Variants in ATG2B observed in about 807,000 individuals in gnomAD.
The protein encoded by ATG2B is autophagy-related protein 2 homolog B.
ATG2B carries 121 observed loss-of-function variants against 241.3 expected under a neutral mutation model. The ratio of observed to expected loss-of-function variants is 0.50; its 90% CI spans 0.43 to 0.58. ATG2B has a LOEUF of 0.58. Among genes scored for constraint, ATG2B ranks in the 20% least tolerant of loss-of-function variants. ATG2B has a pLI of 0.00. For synonymous variants in ATG2B, 858 were observed against 876.6 expected, an observed-to-expected ratio of 0.98 and a Z score of 0.37; for missense variants, 2,306 against 2,491.6, an observed-to-expected ratio of 0.93 and a Z score of 1.59.
chr14:96,327,078 T>C (rs542340175), intron 14 of ATG2B, among the ~76,000 whole-genome samples: 6 of 151,928 alleles, frequency 3.9e-5, no homozygotes, highest in African/African-American at 1.4e-4. Context: ...GGAGACAAAA[T>C]ATAAAAACTT....
chr14:96,354,602 T>C (rs1157023121), intron 1 of ATG2B, among the ~76,000 whole-genome samples: 1 of 152,246 alleles, frequency 6.6e-6, no homozygotes, highest in African/African-American at 2.4e-5. Flanking sequence ...TATATCTTTA[T>C]AATAGAACAA....
At chr14:96,298,255 A>T (rs1157618635) in intron 34 of ATG2B, among the ~76,000 whole-genome samples, 1 of 152,180 alleles carries the variant, frequency 6.6e-6, no homozygotes, top group Non-Finnish European at 1.5e-5. Flanking sequence ...CCCAGCTAAA[A>T]TTTTAAGAAC....
At chr14:96,303,006 T>C (rs866783050) in intron 33 of ATG2B, 55 bp downstream of exon 33, 2 of 1,320,240 alleles carry the variant, frequency 1.5e-6, no homozygotes, top group South Asian at 2.0e-5. Flanking sequence ...AAGTTAGATA[T>C]AATAAAAACA....
chr14:96,284,354 T>A lies in ATG2B; in HGVS notation c.*1401A>T, dbSNP rs1026159337. On this transcript the variant is annotated 3_prime_UTR_variant, in exon 42 of 42. Coordinates refer to ENST00000359933, the MANE Select transcript of ATG2B (RefSeq NM_018036.7). ...GCTATATAACCCCATTTTTATAAAT[T>A]CTAAACATTTTGATTTTTGGTTTAC... The A allele has an allele frequency of 1.3e-5, 2 of 152,366 alleles. No individual in the cohort carries two copies. The highest frequency in any genetic ancestry group is 3.9e-4 in the East Asian group (2 of 5,190). 9.4% of individuals were successfully genotyped at this position (152,366 alleles called of 1,614,324 possible). A position where few individuals can be genotyped will look rare whatever the true frequency, so the allele number is the denominator to read the frequency against.
intron 29 of ATG2B, among the ~76,000 whole-genome samples, chr14:96,307,336 G>A (rs1234104757): frequency 1.3e-5 from 2 of 152,088 alleles, no homozygotes; most frequent in East Asian, 1.9e-4. Flanking sequence ...GTTTGAAGCC[G>A]GGAGGTGGAG....
chr14:96,329,727 A>T (rs575567811), intron 11 of ATG2B, 93 bp from the exon 12 acceptor site: 257 of 710,692 alleles, frequency 3.6e-4, no homozygotes, highest in Non-Finnish European at 5.0e-4. Context: ...AATAATTAAT[A>T]CTCCTAAGGA....
rs150217141 is a variant in ATG2B, at chr14:96,332,399, A to G, written c.1374T>C (p.Thr458=). The G allele has an allele frequency of 1.2e-3, 1,882 of 1,613,744 alleles. No homozygotes were observed. The highest frequency in any genetic ancestry group is 1.2e-3 in the Non-Finnish European group (1,446 of 1,179,752). The change falls in exon 10 of 42, where the codon ACT becomes ACC. Residue 458 remains threonine (T), a synonymous_variant. Coordinates refer to ENST00000359933, the MANE Select transcript of ATG2B (RefSeq NM_018036.7). ...TATGATGATCAAGGAACTCTCCCCA[A>G]GTGGGCTGAAGCTATAAAAGATTTT... ...SPLSATVLQP[T]WGEFLDHHKE... is the part of the protein sequence containing the mutation.
Position 96,313,102 on chromosome 14 carries a change from T to A in ATG2B, c.3805A>T (p.Ser1269Cys). 6.2e-7 allele frequency: 1 copy of A among 1,613,634 alleles called. No homozygotes were observed. Among genetic ancestry groups the A allele is most frequent in the Non-Finnish European group, 8.5e-7 (1 of 1,179,738 alleles). ...GAAGATTTATCCAATGCAACGCTACTGGAAACACTGAATGTTTCCACGGTA... is the reference window on the plus strand; with the variant it reads ...GAAGATTTATCCAATGCAACGCTACAGGAAACACTGAATGTTTCCACGGTA... ...LLTVETFSVSSSVALDKSSST... is the reference protein window; with the variant it reads ...LLTVETFSVSCSVALDKSSST... The change falls in exon 25 of 42, where the codon AGT becomes TGT. Residue 1269 changes from serine to cysteine, a missense_variant. Coordinates refer to ENST00000359933, the MANE Select transcript of ATG2B (RefSeq NM_018036.7).
rs1376492661 is a variant in ATG2B, at chr14:96,279,372, G to A, written c.*6383C>T. 1.3e-5 allele frequency: 2 copies of A among 151,198 alleles called. No homozygotes were observed. The highest frequency in any genetic ancestry group is 2.9e-5 in the Non-Finnish European group (2 of 67,958). The allele number at this position is 151,198 out of a possible 1,614,324, so 9.4% of individuals were successfully genotyped here. ...CCGGGCTTCGATTTCCTCACCTGCA[G>A]ACAGGACTAGATGACCACTCGGGTT... On this transcript the variant is annotated 3_prime_UTR_variant, in exon 42 of 42. Transcript: ENST00000359933.
At chr14:96,313,038 A>T in intron 25 of ATG2B, 27 bp downstream of exon 25, 1 of 1,380,896 alleles carries the variant, frequency 7.2e-7, no homozygotes, top group Non-Finnish European at 1.0e-6. Context: ...AGCTTTGTTT[A>T]GTATACAATG....
chr14:96,286,869 C>T (rs1296075257), intron 41 of ATG2B, among the ~76,000 whole-genome samples: 1 of 152,126 alleles, frequency 6.6e-6, no homozygotes, highest in Non-Finnish European at 1.5e-5. Flanking sequence ...CTTGAACTAA[C>T]CCAGAATCTA....
At chr14:96,336,496 T>C (rs1443052276) in intron 6 of ATG2B, among the ~76,000 whole-genome samples, 1 of 152,216 alleles carries the variant, frequency 6.6e-6, no homozygotes, top group Non-Finnish European at 1.5e-5. Context: ...CACATGTTCA[T>C]TTGTCACTAA....
chr14:96,332,262 A>C (rs778122115), intron 10 of ATG2B, 43 bp downstream of exon 10: 1 of 1,506,170 alleles, frequency 6.6e-7, no homozygotes, highest in Admixed American at 1.7e-5. Flanking sequence ...GCATTTTAAA[A>C]ATTCCAGCGG....
intron 32 of ATG2B, 49 bp downstream of exon 32, chr14:96,304,446 C>G: frequency 2.1e-6 from 3 of 1,426,016 alleles, no homozygotes; most frequent in Non-Finnish European, 3.0e-6. Flanking sequence ...AAAAGAACCC[C>G]CCGCCAATAT....
At chr14:96,317,003 G>T in intron 20 of ATG2B, 142 bp downstream of exon 20, 1 of 804,944 alleles carries the variant, frequency 1.2e-6, no homozygotes, top group Admixed American at 2.8e-5. Context: ...CTATCATCAT[G>T]GTTTGCCCCA....
intron 1 of ATG2B, among the ~76,000 whole-genome samples, chr14:96,353,368 T>C (rs1203573073): frequency 6.6e-6 from 1 of 152,224 alleles, no homozygotes; most frequent in African/African-American, 2.4e-5. Flanking sequence ...CTCCCACCTG[T>C]AATCCTAGCA....
chr14:96,345,932 T>G (rs1029536200), intron 2 of ATG2B, among the ~76,000 whole-genome samples: 16 of 152,322 alleles, frequency 1.1e-4, no homozygotes, highest in Non-Finnish European at 7.4e-5. Context: ...TATAGTTTAC[T>G]AACCCTGCTG....
chr14:96,279,593 T>C lies in ATG2B; in HGVS notation c.*6162A>G, dbSNP rs1309260349. The C allele has an allele frequency of 1.3e-5, 2 of 152,128 alleles. No homozygotes were observed. Among genetic ancestry groups the C allele is most frequent in the Non-Finnish European group, 2.9e-5 (2 of 68,060 alleles). 9.4% of individuals were successfully genotyped at this position (152,128 alleles called of 1,614,324 possible). A position where few individuals can be genotyped will look rare whatever the true frequency, so the allele number is the denominator to read the frequency against. ...AAACAAAAAAAAGGAAAGCATGCTA[T>C]AGTGGGAAACAGAGAGGAAGGGAGG... is the stretch of plus-strand genomic sequence containing the variant. On this transcript the variant is annotated 3_prime_UTR_variant, in exon 42 of 42. Coordinates refer to ENST00000359933, the MANE Select transcript of ATG2B (RefSeq NM_018036.7).
chr14:96,292,746 A>G lies in ATG2B; in HGVS notation c.5427-648T>C, dbSNP rs540034214. Among the ~76,000 whole-genome samples, 4 of 152,334 alleles carry G rather than the reference A, an allele frequency of 2.6e-5. No individual in the cohort carries two copies. The South Asian group carries it at 6.2e-4, about 24-fold the overall frequency. On this transcript the variant is annotated intron_variant, in intron 36 of 41. Coordinates refer to ENST00000359933, the MANE Select transcript of ATG2B (RefSeq NM_018036.7). Reference sequence around the variant, plus strand: ...TTCTAAGTAAACAGAATTATCGACAAACAAATATAGGGAACGGTGTGAGAA... The same window carrying G: ...TTCTAAGTAAACAGAATTATCGACAGACAAATATAGGGAACGGTGTGAGAA...
Sources: gnomAD v4.1 joint callset for allele counts (sites outside exome capture counted in the v4.1 genomes callset) on GRCh38, gnomAD v4.1.1 for gene constraint, MANE v1.5 for transcripts, NCBI Gene and HGNC (gene_info 2026-07-23, HGNC 2026-07-21) for gene names.